The following PCSK5 variants were observed in gnomAD, a reference collection of about 807,000 sequenced individuals.
PCSK5 encodes proprotein convertase subtilisin/kexin type 5.
A neutral mutation model predicts 233.2 loss-of-function variants in PCSK5; 129 were observed. That is an observed-to-expected ratio of 0.55 (90% CI 0.48 to 0.64). The LOEUF (loss-of-function observed/expected upper bound fraction) is 0.64. Ranked by LOEUF, PCSK5 falls within the 30% of genes least tolerant of loss-of-function variation. The pLI is 0.00. For synonymous variants in PCSK5, 825 were observed against 879.2 expected (o/e 0.94, Z 1.09); for missense variants, 2,076 against 2,430.1 (o/e 0.85, Z 3.06).
chr9:76,005,365 A>G (rs1181298677), intron 3 of PCSK5, among the ~76,000 whole-genome samples: 2 of 152,136 alleles, frequency 1.3e-5, no homozygotes, highest in Admixed American at 1.3e-4. Flanking sequence ...TCATCTTTAT[A>G]TATTTAATTG....
intron 21 of PCSK5, among the ~76,000 whole-genome samples, chr9:76,232,586 G>A (rs1405988563): frequency 6.6e-6 from 1 of 152,146 alleles, no homozygotes; most frequent in African/African-American, 2.4e-5. Flanking sequence ...AACTCTGGGT[G>A]TGCAGCCCCC....
chr9:76,354,178 C>T lies in PCSK5; in HGVS notation c.5213C>T (p.Pro1738Leu). The change falls in exon 37 of 38, where the codon CCC (proline) becomes CTC (leucine). Residue 1738 changes from proline (P) to leucine (L), a missense_variant. This residue lies in a region of PCSK5 where 1,510 missense variants were observed against 1,538.1 expected (regional missense o/e 0.98). Transcript: ENST00000674117. ...CTCCACTGCTGCAACACCTCTGATC[C>T]CCCCAGTGCCCAGGAGTGCTGTGAC... ...HCLHCCNTSD[P>L]PSAQECCDCQ... 6.3e-7 allele frequency: 1 copy of T among 1,589,632 alleles called. No homozygotes were observed. Among genetic ancestry groups the T allele is most frequent in the Non-Finnish European group, 8.6e-7 (1 of 1,168,828 alleles).
rs182369448 is a variant in PCSK5, at chr9:76,159,504, G to A, written c.1619+333G>A. Among the ~76,000 whole-genome samples, 508 of 152,234 alleles carry A rather than the reference G, an allele frequency of 3.3e-3. 1 individual carries two copies. The highest frequency in any genetic ancestry group is 0.011 in the African/African-American group (477 of 41,530). ...CACCATTAAGTATCTGTTGTCATTCGTTACAGATTAACCGAATTCTCTTGC... is the reference window on the plus strand; with the variant it reads ...CACCATTAAGTATCTGTTGTCATTCATTACAGATTAACCGAATTCTCTTGC... On this transcript the variant is annotated intron_variant, in intron 12 of 37. Transcript: ENST00000674117.
chr9:75,950,832 CAT>C (rs1172804606), intron 2 of PCSK5, among the ~76,000 whole-genome samples: 1 of 152,184 alleles, frequency 6.6e-6, no homozygotes, highest in Non-Finnish European at 1.5e-5. Flanking sequence ...CAAATTCACA[CAT>C]AACAATATTA....
At chr9:76,227,889 C>G (rs1825947707) in intron 21 of PCSK5, among the ~76,000 whole-genome samples, 1 of 152,076 alleles carries the variant, frequency 6.6e-6, no homozygotes, top group Non-Finnish European at 1.5e-5. Flanking sequence ...TCATCCTTTT[C>G]TGCATACCCG....
At chr9:76,304,203 A>G (rs1331779441) in intron 28 of PCSK5, among the ~76,000 whole-genome samples, 3 of 152,154 alleles carry the variant, frequency 2.0e-5, no homozygotes, top group African/African-American at 7.2e-5. Context: ...GTAAATTTTT[A>G]TCTCCAAGCT....
intron 1 of PCSK5, among the ~76,000 whole-genome samples, chr9:75,931,647 G>A (rs1317709048): frequency 2.0e-5 from 3 of 152,222 alleles, no homozygotes; most frequent in African/African-American, 7.2e-5. Flanking sequence ...AAAGTGGACA[G>A]GGGCTTATTT....
intron 23 of PCSK5, 130 bp from the exon 24 acceptor site, chr9:76,240,486 C>T (rs542130734): frequency 6.3e-5 from 42 of 662,960 alleles, no homozygotes; most frequent in African/African-American, 6.3e-4. Context: ...TCCTCGAGGA[C>T]GGTTTTGGGC....
intron 2 of PCSK5, among the ~76,000 whole-genome samples, chr9:75,957,362 AT>A (rs1825140383): frequency 6.6e-6 from 1 of 152,192 alleles, no homozygotes; most frequent in South Asian, 2.1e-4. Context: ...AGATCGTAAC[AT>A]TCTTGGAGAT....
At chr9:76,220,223 T>C (rs1325106473) in intron 20 of PCSK5, among the ~76,000 whole-genome samples, 1 of 152,172 alleles carries the variant, frequency 6.6e-6, no homozygotes, top group Non-Finnish European at 1.5e-5. Context: ...TTTGTTTAAC[T>C]GCAGACAATA....
At chr9:76,002,100 T>C (rs920837606) in intron 3 of PCSK5, among the ~76,000 whole-genome samples, 2 of 152,222 alleles carry the variant, frequency 1.3e-5, no homozygotes, top group African/African-American at 4.8e-5. Flanking sequence ...ACAACATTTA[T>C]TGAATTCCTC....
chr9:76,106,298 C>CA (rs1217038954), intron 8 of PCSK5, among the ~76,000 whole-genome samples: 2 of 152,004 alleles, frequency 1.3e-5, no homozygotes, highest in East Asian at 1.9e-4. Flanking sequence ...CCAAAGAGGG[C>CA]AAAAAATGGA....
At chr9:76,112,223 G>A (rs1832247874) in intron 9 of PCSK5, among the ~76,000 whole-genome samples, 1 of 151,982 alleles carries the variant, frequency 6.6e-6, no homozygotes, top group Non-Finnish European at 1.5e-5. Flanking sequence ...TAAATAAAGG[G>A]GACTGAGTCA....
chr9:76,050,841 T>C (rs1240391266), intron 5 of PCSK5, among the ~76,000 whole-genome samples: 1 of 152,158 alleles, frequency 6.6e-6, no homozygotes, highest in African/African-American at 2.4e-5. Context: ...GTATCTGGTT[T>C]ATGTCTTCAC....
intron 8 of PCSK5, 123 bp downstream of exon 8, chr9:76,096,225 T>C (rs1467751988): frequency 4.6e-6 from 3 of 645,480 alleles, no homozygotes; most frequent in Middle Eastern, 4.2e-4. Context: ...AGAAGTAATA[T>C]ATGGAAATAG....
intron 1 of PCSK5, among the ~76,000 whole-genome samples, chr9:75,892,598 C>G (rs1587318709): frequency 6.6e-6 from 1 of 152,322 alleles, no homozygotes; most frequent in Non-Finnish European, 1.5e-5. Flanking sequence ...CTGGCTGGTG[C>G]CGGCGGAGTG....
intron 20 of PCSK5, among the ~76,000 whole-genome samples, chr9:76,212,974 GC>G (rs558308321): frequency 4.5e-4 from 69 of 152,254 alleles, no homozygotes; most frequent in African/African-American, 1.3e-3. Flanking sequence ...GATCTTATCT[GC>G]CCCTCCTATA....
chr9:76,246,901 C>T (rs890459410), intron 24 of PCSK5, among the ~76,000 whole-genome samples: 6 of 152,338 alleles, frequency 3.9e-5, no homozygotes, highest in East Asian at 1.9e-4. Flanking sequence ...TCCAAAATGG[C>T]GGCAGGCCGC....
chr9:76,252,007 C>T (rs1201783890), intron 24 of PCSK5, among the ~76,000 whole-genome samples: 4 of 152,048 alleles, frequency 2.6e-5, no homozygotes, highest in Non-Finnish European at 5.9e-5. Context: ...GTGGCTCACA[C>T]CTGTAATCCC....
Sources: gnomAD v4.1 joint callset for allele counts (sites outside exome capture counted in the v4.1 genomes callset) on GRCh38, gnomAD v4.1.1 for gene constraint, gnomAD v4.1.1 regional missense constraint, MANE v1.5 for transcripts, NCBI Gene and HGNC (gene_info 2026-07-23, HGNC 2026-07-21) for gene names.